Variants in GNAT3 observed in about 807,000 individuals in gnomAD.
GNAT3 encodes guanine nucleotide-binding protein G(t) subunit alpha-3.
In GNAT3, 31 loss-of-function variants were observed where a neutral mutation model predicts 37.7. The ratio of observed to expected loss-of-function variants is 0.82; its 90% CI spans 0.62 to 1.11. GNAT3 has a LOEUF of 1.11. Among genes scored for constraint, GNAT3 ranks in the 50% most tolerant of loss-of-function variants. The pLI is 0.00. For synonymous variants in GNAT3, 138 were observed against 139.8 expected, an observed-to-expected ratio of 0.99 and a Z score of 0.09; for missense variants, 437 against 412.5, an observed-to-expected ratio of 1.06 and a Z score of -0.51.
chr7:80,474,423 A>G, intron 4 of GNAT3, 44 bp from the exon 5 acceptor site: 1 of 858,822 alleles, frequency 1.2e-6, no homozygotes, highest in South Asian at 1.6e-5. Flanking sequence ...TATATAATAC[A>G]TAAATACATA....
At chr7:80,461,270 G>A (rs1423505855) in intron 7 of GNAT3, among the ~76,000 whole-genome samples, 1 of 152,050 alleles carries the variant, frequency 6.6e-6, no homozygotes, top group Non-Finnish European at 1.5e-5. Flanking sequence ...AAATATGGCT[G>A]GGTGCAATGG....
chr7:80,510,901 A>G (rs10954212), intron 1 of GNAT3, among the ~76,000 whole-genome samples: 71,269 of 151,996 alleles, frequency 0.47, 17,281 homozygotes, highest in East Asian at 0.61. Flanking sequence ...TGAAATATGC[A>G]CGATTCTGAA....
chr7:80,473,631 TA>T (rs2116160220), intron 5 of GNAT3, among the ~76,000 whole-genome samples: 1 of 152,304 alleles, frequency 6.6e-6, no homozygotes, highest in South Asian at 2.1e-4. Flanking sequence ...TATTAAGGGA[TA>T]TTTTCTAACA....
At chr7:80,478,819 C>G (rs1362779666) in intron 4 of GNAT3, 22 bp downstream of exon 4, 4 of 1,606,338 alleles carry the variant, frequency 2.5e-6, no homozygotes, top group Non-Finnish European at 3.4e-6. Context: ...CCTCCAATTC[C>G]CCTTAAAGTG....
intron 1 of GNAT3, among the ~76,000 whole-genome samples, chr7:80,500,721 G>GT (rs1022815049): frequency 4.6e-5 from 7 of 151,884 alleles, no homozygotes; most frequent in Non-Finnish European, 1.5e-5. Context: ...TTTAATTGGT[G>GT]TTTTTTCAAT....
At chr7:80,507,083 ATGT>A (rs904397151) in intron 1 of GNAT3, among the ~76,000 whole-genome samples, 83 of 152,256 alleles carry the variant, frequency 5.5e-4, no homozygotes, top group African/African-American at 1.9e-3. Context: ...TTTGTTTTAC[ATGT>A]TGTTAAGAAG....
chr7:80,470,364 G>A (rs1790191570), intron 5 of GNAT3, among the ~76,000 whole-genome samples: 1 of 152,084 alleles, frequency 6.6e-6, no homozygotes, highest in African/African-American at 2.4e-5. Flanking sequence ...TGGGATTACT[G>A]GGGTGTGCCA....
intron 1 of GNAT3, among the ~76,000 whole-genome samples, chr7:80,497,649 C>CGTATATACATATACGTATATACATATAT: frequency 8.7e-6 from 1 of 114,560 alleles, no homozygotes; most frequent in African/African-American, 4.6e-5. Context: ...TATACATATA[C>CGTATATACATATACGTATATACATATAT]GTATATACAT....
At chr7:80,489,509 G>C (rs965786210) in intron 2 of GNAT3, among the ~76,000 whole-genome samples, 2 of 152,046 alleles carry the variant, frequency 1.3e-5, no homozygotes, top group East Asian at 3.9e-4. Flanking sequence ...GTGTCTACAC[G>C]TATAAAGGCT....
At chr7:80,507,904 A>G (rs1177369860) in intron 1 of GNAT3, among the ~76,000 whole-genome samples, 1 of 151,988 alleles carries the variant, frequency 6.6e-6, no homozygotes, top group Non-Finnish European at 1.5e-5. Flanking sequence ...TTACCTTCGA[A>G]GTAGTTTTTG....
rs781212595 is a variant in GNAT3 at position 80,488,680 on chromosome 7, T to A, written c.162-4A>T. 3 of 1,562,330 alleles carry A rather than the reference T, an allele frequency of 1.9e-6. No individual in the cohort carries two copies. The South Asian group carries it at 3.5e-5, about 18-fold the overall frequency. Reference sequence around the variant, plus strand: ...GTAACCATTCTTATGGATGATCCTATAATTTAAACATGAAAAGTTTCTGTG... The same window carrying A: ...GTAACCATTCTTATGGATGATCCTAAAATTTAAACATGAAAAGTTTCTGTG... On this transcript the variant is annotated splice_polypyrimidine_tract_variant and splice_region_variant and intron_variant, in intron 2 of 7. Transcript: ENST00000398291.
chr7:80,474,164 G>C, intron 5 of GNAT3, 87 bp downstream of exon 5: 1 of 1,327,114 alleles, frequency 7.5e-7, no homozygotes, highest in South Asian at 1.3e-5. Context: ...TATTGAACCT[G>C]AACATGGGCT....
At chr7:80,496,995 T>A (rs1232745357) in intron 1 of GNAT3, among the ~76,000 whole-genome samples, 2 of 152,174 alleles carry the variant, frequency 1.3e-5, no homozygotes, top group Non-Finnish European at 2.9e-5. Context: ...GGTGGTGATA[T>A]ATAGATTCTT....
Position 80,488,600 on chromosome 7 carries a change from A to G in GNAT3, c.238T>C (p.Ser80Pro). 1 of 1,595,420 alleles carries G rather than the reference A, an allele frequency of 6.3e-7. No individual in the cohort carries two copies. The highest frequency in any genetic ancestry group is 8.6e-7 in the Non-Finnish European group (1 of 1,168,704). Reference sequence around the variant, plus strand: ...ATGGCTTTCACAATAGCTAGGATGGATTGCAATGTATTACTGTAAATTACT... The same window carrying G: ...ATGGCTTTCACAATAGCTAGGATGGGTTGCAATGTATTACTGTAAATTACT... ...KAVIYSNTLQ[S>P]ILAIVKAMTT... Residue 80 changes from serine to proline, a missense_variant, in exon 3 of 8, where the codon TCC becomes CCC. Transcript: ENST00000398291.
At chr7:80,490,448 A>G (rs1193631919) in intron 2 of GNAT3, among the ~76,000 whole-genome samples, 2 of 152,170 alleles carry the variant, frequency 1.3e-5, no homozygotes, top group African/African-American at 4.8e-5. Flanking sequence ...CAAACTCTGC[A>G]TATAGTAAGA....
chr7:80,473,667 G>C (rs1790255511), intron 5 of GNAT3, among the ~76,000 whole-genome samples: 1 of 151,942 alleles, frequency 6.6e-6, no homozygotes, highest in South Asian at 2.1e-4. Flanking sequence ...TCCATTTCTT[G>C]GTATAGTAAA....
rs762325597 is a variant in GNAT3, at chr7:80,462,564, A to G, written c.658T>C (p.Cys220Arg). Residue 220 changes from cysteine (C) to arginine (R), a missense_variant, in exon 6 of 8, where the codon TGC becomes CGC. Transcript: ENST00000398291. Reference sequence around the variant, plus strand: ...CTAAGTGCAGCACAAAATATAATGCATGTAACTCCTTCAAAGCAGTGAATC... The same window carrying G: ...CTAAGTGCAGCACAAAATATAATGCGTGTAACTCCTTCAAAGCAGTGAATC... Reference protein sequence around the residue: ...KWIHCFEGVTCIIFCAALSAY... With the variant: ...KWIHCFEGVTRIIFCAALSAY... 13 of 1,612,852 alleles carry G rather than the reference A, an allele frequency of 8.1e-6. No individual in the cohort carries two copies. In the Admixed American group the frequency reaches 2.2e-4, roughly 27 times the overall value.
intron 1 of GNAT3, among the ~76,000 whole-genome samples, chr7:80,499,731 C>T (rs1790798579): frequency 6.6e-6 from 1 of 152,162 alleles, no homozygotes; most frequent in Admixed American, 6.5e-5. Flanking sequence ...CACATGACAG[C>T]CCATCACATA....
At chr7:80,473,842 A>T (rs541613588) in intron 5 of GNAT3, among the ~76,000 whole-genome samples, 1 of 152,308 alleles carries the variant, frequency 6.6e-6, no homozygotes, top group Non-Finnish European at 1.5e-5. Flanking sequence ...TGCATTTTTT[A>T]AAATTAAGGA....
Sources: allele counts gnomAD v4.1 joint callset (sites outside exome capture counted in the v4.1 genomes callset), GRCh38; gene constraint gnomAD v4.1.1; transcripts MANE v1.5; gene names NCBI Gene and HGNC (gene_info 2026-07-23, HGNC 2026-07-21).